GPC6: variants seen among roughly 807,000 people sequenced by gnomAD.
The protein encoded by GPC6 is glypican-6.
A neutral mutation model predicts 55.2 loss-of-function variants in GPC6; 14 were observed. The observed-to-expected ratio is 0.25, with a 90% confidence interval of 0.17 to 0.40. The LOEUF (loss-of-function observed/expected upper bound fraction) is 0.40, where lower values mean the gene tolerates loss of function less well. Ranked by LOEUF, GPC6 falls within the 10% of genes least tolerant of loss-of-function variation. The pLI, the probability that GPC6 is intolerant of heterozygous loss-of-function variation, is 1.00. For missense variants in GPC6, 641 were observed against 708.5 expected (o/e 0.90, Z 1.08); for synonymous variants, 278 against 259.6 (o/e 1.07, Z -0.68).
intron 4 of GPC6, among the ~76,000 whole-genome samples, chr13:94,180,276 C>T (rs780414096): frequency 1.3e-5 from 2 of 152,154 alleles, no homozygotes; most frequent in Non-Finnish European, 2.9e-5. Flanking sequence ...CTAAACTGTA[C>T]GTGAACACTA....
At chr13:94,323,998 G>T (rs1023192901) in intron 6 of GPC6, among the ~76,000 whole-genome samples, 1 of 152,168 alleles carries the variant, frequency 6.6e-6, no homozygotes, top group African/African-American at 2.4e-5. Flanking sequence ...GACTAGAAGA[G>T]AACTGCAAGC....
chr13:94,137,617 A>G (rs1887229124), intron 4 of GPC6, among the ~76,000 whole-genome samples: 1 of 152,152 alleles, frequency 6.6e-6, no homozygotes, highest in Admixed American at 6.5e-5. Context: ...CCAAGAATAT[A>G]CTGTGATGGT....
intron 3 of GPC6, among the ~76,000 whole-genome samples, chr13:93,855,680 G>A (rs1888579383): frequency 6.6e-6 from 1 of 151,612 alleles, no homozygotes; most frequent in African/African-American, 2.4e-5. Flanking sequence ...ACCAGCATTT[G>A]GTGTTGTCAG....
intron 1 of GPC6, among the ~76,000 whole-genome samples, chr13:93,270,884 C>T (rs1236398433): frequency 6.6e-6 from 1 of 152,128 alleles, no homozygotes; most frequent in African/African-American, 2.4e-5. Flanking sequence ...ATTAAAGTGA[C>T]AGATGGAGAT....
intron 2 of GPC6, among the ~76,000 whole-genome samples, chr13:93,730,187 C>A (rs1451451633): frequency 6.6e-6 from 1 of 152,104 alleles, no homozygotes; most frequent in East Asian, 1.9e-4. Flanking sequence ...ATACAGAGCT[C>A]ACATCAACTT....
chr13:94,050,760 G>A (rs560879997), intron 4 of GPC6, among the ~76,000 whole-genome samples: 39 of 152,236 alleles, frequency 2.6e-4, no homozygotes, highest in African/African-American at 9.2e-4. Flanking sequence ...TCCTCTTACT[G>A]AGAGGGGAAA....
intron 2 of GPC6, among the ~76,000 whole-genome samples, chr13:93,572,120 A>T (rs1330999229): frequency 6.6e-6 from 1 of 152,170 alleles, no homozygotes; most frequent in African/African-American, 2.4e-5. Context: ...CCATTTGTTC[A>T]TCATAAATGT....
chr13:94,058,769 G>A (rs770834102), intron 4 of GPC6, among the ~76,000 whole-genome samples: 3 of 151,806 alleles, frequency 2.0e-5, no homozygotes, highest in East Asian at 2.0e-4. Flanking sequence ...CCCATGCATC[G>A]CCTTTTATTT....
intron 2 of GPC6, among the ~76,000 whole-genome samples, chr13:93,769,872 G>A (rs1885236457): frequency 6.6e-6 from 1 of 152,162 alleles, no homozygotes; most frequent in Non-Finnish European, 1.5e-5. Context: ...AATTGTTAAA[G>A]CAAAACATGC....
Position 93,630,272 on chromosome 13 carries a change from G to A in GPC6, c.319+84851G>A, listed in dbSNP as rs192540300. Among the ~76,000 whole-genome samples the A allele has an allele frequency of 1.1e-3, 173 of 152,250 alleles. 3 individuals are homozygous for A. The highest frequency in any genetic ancestry group is 7.6e-4 in the Non-Finnish European group (52 of 68,026). ...GGAAACCAACTTTCATGGAGTCAGC[G>A]TTATATAGAGGGTGAGGCAAGCTGT... is the stretch of plus-strand genomic sequence containing the variant. On this transcript the variant is annotated intron_variant, in intron 2 of 8. Transcript: ENST00000377047.
At chr13:93,772,269 G>C (rs183881151) in intron 2 of GPC6, among the ~76,000 whole-genome samples, 1 of 152,200 alleles carries the variant, frequency 6.6e-6, no homozygotes, top group South Asian at 2.1e-4. Flanking sequence ...CATTGGTTAG[G>C]TTTACAGATG....
chr13:93,896,994 T>A (rs1876050419), intron 3 of GPC6, among the ~76,000 whole-genome samples: 1 of 151,940 alleles, frequency 6.6e-6, no homozygotes, highest in African/African-American at 2.4e-5. Flanking sequence ...TCTTTTTTTT[T>A]TTTTTTAACA....
chr13:93,545,670 G>A (rs1874750835), intron 2 of GPC6, among the ~76,000 whole-genome samples: 1 of 151,560 alleles, frequency 6.6e-6, no homozygotes, highest in African/African-American at 2.4e-5. Flanking sequence ...GAGATTTATT[G>A]TAAAGATTTA....
At chr13:93,655,163 T>G (rs540554590) in intron 2 of GPC6, among the ~76,000 whole-genome samples, 1 of 152,070 alleles carries the variant, frequency 6.6e-6, no homozygotes, top group East Asian at 1.9e-4. Flanking sequence ...ACCAGATATT[T>G]TATCAGTCAT....
intron 1 of GPC6, among the ~76,000 whole-genome samples, chr13:93,542,779 T>G (rs897027706): frequency 6.6e-6 from 1 of 152,322 alleles, no homozygotes; most frequent in Admixed American, 6.5e-5. Context: ...TTATTCTCTT[T>G]GAAGCAATTG....
chr13:93,601,875 T>C (rs1376303444), intron 2 of GPC6, among the ~76,000 whole-genome samples: 1 of 152,262 alleles, frequency 6.6e-6, no homozygotes, highest in South Asian at 2.1e-4. Flanking sequence ...TTAAAAATCG[T>C]ATCTGCATTT....
chr13:94,116,554 G>C (rs1886435988), intron 4 of GPC6, among the ~76,000 whole-genome samples: 1 of 151,978 alleles, frequency 6.6e-6, no homozygotes, highest in Non-Finnish European at 1.5e-5. Context: ...CAAAGCCCTT[G>C]GTTTCTTTCC....
chr13:94,090,270 C>T (rs556784803), intron 4 of GPC6, among the ~76,000 whole-genome samples: 2 of 152,144 alleles, frequency 1.3e-5, no homozygotes, highest in African/African-American at 4.8e-5. Flanking sequence ...ATGGGAAAAC[C>T]GGCCCCTGTG....
At chr13:93,455,299 C>A (rs1878409287) in intron 1 of GPC6, among the ~76,000 whole-genome samples, 1 of 152,184 alleles carries the variant, frequency 6.6e-6, no homozygotes, top group East Asian at 1.9e-4. Flanking sequence ...GCAGAGGAGG[C>A]GCCCAGAGCG....
Sources: gnomAD v4.1 joint callset for allele counts (sites outside exome capture counted in the v4.1 genomes callset) on GRCh38, gnomAD v4.1.1 for gene constraint, MANE v1.5 for transcripts, NCBI Gene and HGNC (gene_info 2026-07-23, HGNC 2026-07-21) for gene names.